Variants in NPAS3 observed in about 807,000 individuals in gnomAD.
NPAS3 encodes neuronal PAS domain protein 3, also known as neuronal PAS domain-containing protein 3.
NPAS3 carries 14 observed loss-of-function variants against 73.1 expected under a neutral mutation model. The observed-to-expected ratio is 0.19, with a 90% CI of 0.13 to 0.30. The LOEUF (loss-of-function observed/expected upper bound fraction) is 0.30, where lower values mean the gene tolerates loss of function less well. Ranked by LOEUF, NPAS3 falls within the 10% of genes least tolerant of loss-of-function variation. The pLI, the probability that NPAS3 is intolerant of heterozygous loss-of-function variation, is 1.00. For synonymous variants in NPAS3, 620 were observed against 541.5 expected, an observed-to-expected ratio of 1.14 and a Z score of -2.01; for missense variants, 1,096 against 1,250.0, an observed-to-expected ratio of 0.88 and a Z score of 1.86.
intron 2 of NPAS3, among the ~76,000 whole-genome samples, chr14:33,057,400 GT>G (rs2040929598): frequency 6.6e-6 from 1 of 152,006 alleles, no homozygotes; most frequent in Non-Finnish European, 1.5e-5. Flanking sequence ...TGGATTTGTT[GT>G]ATACTTTGAA....
At chr14:33,563,920 C>A (rs530666416) in intron 5 of NPAS3, among the ~76,000 whole-genome samples, 1 of 152,076 alleles carries the variant, frequency 6.6e-6, no homozygotes, top group Non-Finnish European at 1.5e-5. Context: ...ATGTAAGGGG[C>A]TTAATCGCCA....
At chr14:33,787,037 T>G (rs996685967) in intron 9 of NPAS3, among the ~76,000 whole-genome samples, 2 of 137,686 alleles carry the variant, frequency 1.5e-5, no homozygotes, top group African/African-American at 6.0e-5. Flanking sequence ...CTCATTTATA[T>G]AACAAATTCC....
At chr14:33,570,524 A>C (rs769339498) in intron 5 of NPAS3, among the ~76,000 whole-genome samples, 8 of 152,056 alleles carry the variant, frequency 5.3e-5, no homozygotes, top group Non-Finnish European at 1.0e-4. Context: ...AAAACCCATA[A>C]TTTTTCCGGC....
At position 33,369,404 on chromosome 14, in the gene NPAS3, CAAAAAAAAAAA is replaced by C. The variant is rs3058296; in HGVS notation, c.468+2149_468+2159del. 4.0e-3 allele frequency among the ~76,000 whole-genome samples: 366 copies of C among 90,960 alleles called. 1 individual carries two copies. Among genetic ancestry groups the C allele is most frequent in the Middle Eastern group, 0.017 (2 of 116 alleles). 59.7% of individuals were successfully genotyped at this position (90,960 alleles called of 152,430 possible). A position where few individuals can be genotyped will look rare whatever the true frequency, so the allele number is the denominator to read the frequency against. On this transcript the variant is annotated intron_variant, in intron 4 of 11. Transcript: ENST00000356141. ...TCTATTTATTTGAAGGCCTCATTTC[CAAAAAAAAAAA>C]AAAAAAAAAAAAGGATTAAACATAT...
intron 1 of NPAS3, among the ~76,000 whole-genome samples, chr14:33,051,136 C>T (rs1032604355): frequency 2.6e-5 from 4 of 151,146 alleles, no homozygotes; most frequent in East Asian, 3.9e-4. Context: ...TAGCCGGGCG[C>T]GGTGGCGGGC....
intron 2 of NPAS3, among the ~76,000 whole-genome samples, chr14:33,164,389 C>T (rs976754493): frequency 6.6e-6 from 1 of 152,072 alleles, no homozygotes; most frequent in African/African-American, 2.4e-5. Flanking sequence ...TTTATGTAAT[C>T]GGTCTTATAT....
At chr14:33,761,527 A>G (rs139560511) in intron 7 of NPAS3, among the ~76,000 whole-genome samples, 10 of 152,070 alleles carry the variant, frequency 6.6e-5, no homozygotes, top group Non-Finnish European at 1.5e-4. Context: ...AAAAAAGAGT[A>G]TAGCACATTT....
intron 3 of NPAS3, among the ~76,000 whole-genome samples, chr14:33,234,800 G>A (rs184930621): frequency 2.6e-5 from 4 of 152,142 alleles, no homozygotes; most frequent in East Asian, 3.9e-4. Context: ...TAGACTTCAA[G>A]CTTGTATCAC....
intron 5 of NPAS3, among the ~76,000 whole-genome samples, chr14:33,644,456 T>C (rs1000913268): frequency 6.6e-6 from 1 of 152,236 alleles, no homozygotes; most frequent in Non-Finnish European, 1.5e-5. Context: ...TTGGGTATGA[T>C]GACACAAGTC....
In NPAS3 at chr14:33,631,168, T is replaced by C. The variant is rs7155303; in HGVS notation, c.559-45043T>C. 4.4e-3 allele frequency among the ~76,000 whole-genome samples: 675 copies of C among 152,314 alleles called. 6 individuals are homozygous for C. Among genetic ancestry groups the C allele is most frequent in the African/African-American group, 0.015 (640 of 41,576 alleles). Reference sequence around the variant, plus strand: ...AGTGCTGCTTTGCTTCTCTCATTGTTTGGAGCTTCTTTAGAGCTGAATCAC... The same window carrying C: ...AGTGCTGCTTTGCTTCTCTCATTGTCTGGAGCTTCTTTAGAGCTGAATCAC... On this transcript the variant is annotated intron_variant, in intron 5 of 11. Transcript: ENST00000356141.
intron 5 of NPAS3, among the ~76,000 whole-genome samples, chr14:33,572,535 G>T (rs2056257056): frequency 6.6e-6 from 1 of 152,096 alleles, no homozygotes; most frequent in Non-Finnish European, 1.5e-5. Flanking sequence ...TAAATAGCTT[G>T]CCCAAGATCA....
At chr14:33,409,222 T>A (rs2138865096) in intron 4 of NPAS3, among the ~76,000 whole-genome samples, 1 of 152,264 alleles carries the variant, frequency 6.6e-6, no homozygotes, top group Non-Finnish European at 1.5e-5. Context: ...ACTGGGGGGT[T>A]CTGAGATGGT....
chr14:33,646,442 G>A (rs2058832072), intron 5 of NPAS3, among the ~76,000 whole-genome samples: 1 of 152,066 alleles, frequency 6.6e-6, no homozygotes, highest in African/African-American at 2.4e-5. Context: ...TGTCTGCGTA[G>A]ATGACTGGTC....
At chr14:33,573,462 T>C (rs1012024021) in intron 5 of NPAS3, among the ~76,000 whole-genome samples, 3 of 152,172 alleles carry the variant, frequency 2.0e-5, no homozygotes, top group Non-Finnish European at 4.4e-5. Context: ...CTACAAATCA[T>C]GAAGATAGAA....
chr14:33,802,265 ATTTC>A (rs1186897662), downstream of NPAS3: 1 of 151,622 alleles, frequency 6.6e-6, no homozygotes, highest in Non-Finnish European at 1.5e-5. Context: ...ATTTGATGGA[ATTTC>A]TTTCCCTTTG....
At chr14:33,153,217 C>CT (rs144814753) in intron 2 of NPAS3, among the ~76,000 whole-genome samples, 5,723 of 150,980 alleles carry the variant, frequency 0.038, 331 homozygotes, top group African/African-American at 0.13. Context: ...CCATTTTCTA[C>CT]TTTTTTTTTC....
intron 2 of NPAS3, among the ~76,000 whole-genome samples, chr14:33,073,317 T>C (rs1298843026): frequency 6.6e-6 from 1 of 152,234 alleles, no homozygotes; most frequent in Non-Finnish European, 1.5e-5. Context: ...GAATGCCTAC[T>C]AAGTTCCAGT....
chr14:33,646,866 G>A (rs12101142), intron 5 of NPAS3, among the ~76,000 whole-genome samples: 1,646 of 151,844 alleles, frequency 0.011, 30 homozygotes, highest in African/African-American at 0.037. Context: ...TTTTACCTCT[G>A]TGGATCCAGA....
chr14:33,027,122 A>G (rs543091918), intron 1 of NPAS3, among the ~76,000 whole-genome samples: 2 of 152,306 alleles, frequency 1.3e-5, no homozygotes, highest in East Asian at 1.9e-4. Context: ...AGGTCAGATC[A>G]TAGCCTCTAG....
Sources: gnomAD v4.1 joint callset for allele counts (sites outside exome capture counted in the v4.1 genomes callset) on GRCh38, gnomAD v4.1.1 for gene constraint, MANE v1.5 for transcripts, NCBI Gene and HGNC (gene_info 2026-07-23, HGNC 2026-07-21) for gene names.